SAMD14: variants seen among roughly 807,000 people sequenced by gnomAD.
SAMD14 encodes the protein sterile alpha motif domain containing 14.
A neutral mutation model predicts 46.2 loss-of-function variants in SAMD14; 27 were observed. The ratio of observed to expected loss-of-function variants is 0.58; its 90% CI spans 0.43 to 0.81. SAMD14 has a LOEUF of 0.81. SAMD14 is among the 30% of genes least tolerant of loss of function. The probability of loss-of-function intolerance (pLI) is 0.00; values close to 1 mark genes in which losing one functional copy is unlikely to be tolerated. For missense variants in SAMD14, 559 were observed against 582.2 expected, an observed-to-expected ratio of 0.96 and a Z score of 0.41; for synonymous variants, 241 against 254.3, an observed-to-expected ratio of 0.95 and a Z score of 0.50.
chr17:50,115,480 TC>T lies in SAMD14; in HGVS notation c.822+83del. 2 of 1,421,994 alleles carry T rather than the reference TC, an allele frequency of 1.4e-6. No homozygotes were observed. Among genetic ancestry groups the T allele is most frequent in the South Asian group, 1.4e-5 (1 of 69,590 alleles). The allele number at this position is 1,421,994 out of a possible 1,614,324, so 88.1% of individuals were successfully genotyped here. The stretch of plus-strand genomic sequence containing the variant: ...CAAATTGATTCCAGGAATGTCTGAA[TC>T]CCAGCCTGAGCCAAGGTGAAGTACG... On this transcript the variant is annotated intron_variant, in intron 7 of 9. Transcript: ENST00000330175. The surrounding 1 kb of genome is among the most constrained non-coding windows in gnomAD (Gnocchi z 5.3).
intron 1 of SAMD14, among the ~76,000 whole-genome samples, chr17:50,126,496 A>G (rs530746555): frequency 1.0e-3 from 156 of 151,940 alleles, no homozygotes; most frequent in African/African-American, 3.6e-3. Context: ...TAGTAGAGAC[A>G]GGGTTTCACC....
chr17:50,114,398 A>C (rs748545361), intron 7 of SAMD14, 92 bp from the exon 8 acceptor site: 1 of 1,613,868 alleles, frequency 6.2e-7, no homozygotes, highest in South Asian at 1.1e-5. Flanking sequence ...ACTAGGCACC[A>C]GGAGTTGCTC....
At position 50,115,993 on chromosome 17, in the gene SAMD14, C is replaced by T; in HGVS notation, c.587+10G>A. 6.2e-7 allele frequency: 1 copy of T among 1,613,976 alleles called. No homozygotes were observed. Among genetic ancestry groups the T allele is most frequent in the Non-Finnish European group, 8.5e-7 (1 of 1,179,884 alleles). On this transcript the variant is annotated intron_variant, in intron 5 of 9. Transcript: ENST00000330175. The surrounding 1 kb of genome is among the most constrained non-coding windows in gnomAD (Gnocchi z 5.3). ...TCCAAGCCCTGCGATCTAGCCCCGC[C>T]TCCACTCACCCCAGGTCCAGGAACT...
At chr17:50,113,744 A>G (rs766079946) in intron 9 of SAMD14, 180 bp downstream of exon 9, 11 of 647,960 alleles carry the variant, frequency 1.7e-5, no homozygotes, top group Non-Finnish European at 2.7e-5. Context: ...GCTACAACTC[A>G]AAAGATTAGA....
rs1464873307 is a variant in SAMD14, at chr17:50,117,870, C to CT, written c.211-176dup. ...GAGAGTGAGAGGTGGGAAACAGGAA[C>CT]TTTGAGTCACACAGGCTGGGGCTGA... On this transcript the variant is annotated intron_variant, in intron 3 of 9. Transcript: ENST00000330175. 12 of 706,964 alleles carry CT rather than the reference C, an allele frequency of 1.7e-5. No homozygotes were observed. In the East Asian group the frequency reaches 4.0e-4, roughly 24 times the overall value. The allele number at this position is 706,964 out of a possible 1,614,324, so 43.8% of individuals were successfully genotyped here.
intron 3 of SAMD14, 143 bp from the exon 4 acceptor site, chr17:50,117,838 G>T (rs1911308994): frequency 1.1e-6 from 1 of 902,306 alleles, no homozygotes; most frequent in South Asian, 2.3e-5. Flanking sequence ...AGGCAGCGGG[G>T]TGGCTGGAGA....
intron 2 of SAMD14, among the ~76,000 whole-genome samples, chr17:50,120,300 A>G (rs550551400): frequency 9.5e-4 from 144 of 152,224 alleles, no homozygotes; most frequent in African/African-American, 3.3e-3. Flanking sequence ...ATGGAGAGAA[A>G]GGGAGGAGAG....
rs754168215 is a variant in SAMD14, at chr17:50,112,864, G to C, written c.*29C>G. The C allele has an allele frequency of 4.4e-6, 7 of 1,586,914 alleles. No individual in the cohort carries two copies. The highest frequency in any genetic ancestry group is 1.3e-5 in the African/African-American group (1 of 74,282). On this transcript the variant is annotated 3_prime_UTR_variant, in exon 10 of 10. Transcript: ENST00000330175. ...GCCCGCGGAGCCAGTGGCTGCCCCT[G>C]CCGGGTGCCAGCGCCTGTGCACCCT...
At chr17:50,117,930 T>C in intron 3 of SAMD14, 1 of 647,614 alleles carries the variant, frequency 1.5e-6, no homozygotes, top group South Asian at 2.5e-5. Context: ...ACTTTGCTCC[T>C]GGACCTCTCA....
chr17:50,118,291 T>A lies in SAMD14; in HGVS notation c.80A>T (p.Asp27Val). 1 of 1,613,800 alleles carries A rather than the reference T, an allele frequency of 6.2e-7. No homozygotes were observed. Among genetic ancestry groups the A allele is most frequent in the Non-Finnish European group, 8.5e-7 (1 of 1,180,004 alleles). ...GGCCCGGGCCTTGTGTAAACTGCTGTCCAGTCTGGCCGTCTCTGGCACAGC... is the reference window on the plus strand; with the variant it reads ...GGCCCGGGCCTTGTGTAAACTGCTGACCAGTCTGGCCGTCTCTGGCACAGC... ...DLAVPETARL[D>V]SSLHKARAQL... is the part of the protein sequence containing the mutation. Residue 27 changes from aspartate to valine, a missense_variant, in exon 3 of 10, where the codon GAC becomes GTC. Asp to Val is a radical substitution (Grantham distance 152, BLOSUM62 -3). Transcript: ENST00000330175.
At chr17:50,113,302 C>T (rs1259859518) in intron 9 of SAMD14, 1 of 485,848 alleles carries the variant, frequency 2.1e-6, no homozygotes, top group Non-Finnish European at 3.7e-6. Flanking sequence ...CATTCCTCCA[C>T]TCAGTATTTC....
intron 3 of SAMD14, 84 bp from the exon 4 acceptor site, chr17:50,117,779 G>T: frequency 7.6e-7 from 1 of 1,311,030 alleles, no homozygotes; most frequent in South Asian, 1.8e-5. Flanking sequence ...GTAAACTGCG[G>T]GCCCTGAGGG....
rs766249440 is a variant in SAMD14 at position 50,110,089 on chromosome 17, G to A, written c.*2804C>T. ...GCCCAAGAACACGTCCACGTACCGC[G>A]TCAGCTAAGGGCCGCCGTGCATCTG... is the stretch of plus-strand genomic sequence containing the variant. On this transcript the variant is annotated 3_prime_UTR_variant, in exon 10 of 10. Coordinates refer to ENST00000330175, the MANE Select transcript of SAMD14 (RefSeq NM_001257359.2). The A allele has an allele frequency of 4.7e-5, 76 of 1,605,222 alleles. No individual in the cohort carries two copies. The highest frequency in any genetic ancestry group is 3.4e-4 in the Middle Eastern group (2 of 5,850).
intron 1 of SAMD14, among the ~76,000 whole-genome samples, chr17:50,127,601 C>CAA (rs60461771): frequency 8.6e-4 from 119 of 139,174 alleles, no homozygotes; most frequent in Non-Finnish European, 1.1e-3. Flanking sequence ...AACTCTGTCT[C>CAA]AAAAAAAAAA....
chr17:50,116,458 T>G (rs1041473418), intron 4 of SAMD14, among the ~76,000 whole-genome samples: 1 of 143,962 alleles, frequency 6.9e-6, no homozygotes, highest in Non-Finnish European at 1.5e-5. Flanking sequence ...CAGGCTGGAG[T>G]GCAATGGCGT....
At chr17:50,123,827 G>A (rs1209857216) in intron 2 of SAMD14, among the ~76,000 whole-genome samples, 1 of 152,242 alleles carries the variant, frequency 6.6e-6, no homozygotes, top group Admixed American at 6.5e-5. Context: ...AGGGTAGGGA[G>A]GTTGGGGAGT....
intron 1 of SAMD14, 111 bp from the exon 2 acceptor site, chr17:50,125,082 TC>T: frequency 1.1e-6 from 1 of 912,756 alleles, no homozygotes; most frequent in Non-Finnish European, 1.8e-6. Context: ...TGTTGGCCCC[TC>T]CCCTTACCTT....
In SAMD14 at chr17:50,116,021, C is replaced by T. The variant is rs374884610; in HGVS notation, c.569G>A (p.Arg190Gln). Residue 190 changes from arginine to glutamine, a missense_variant, in exon 5 of 10, where the codon CGA (arginine) becomes CAA (glutamine). Coordinates refer to ENST00000330175, the MANE Select transcript of SAMD14 (RefSeq NM_001257359.2). ...PTIGLDKKTR[R>Q]KFLDLGVTLR... Reference sequence around the variant, plus strand: ...CACTCACCCCAGGTCCAGGAACTTTCGGCGAGTCTTCTTATCGAGGCCGAT... The same window carrying T: ...CACTCACCCCAGGTCCAGGAACTTTTGGCGAGTCTTCTTATCGAGGCCGAT... 22 of 1,613,992 alleles carry T rather than the reference C, an allele frequency of 1.4e-5. No homozygotes were observed. Among genetic ancestry groups the T allele is most frequent in the South Asian group, 5.5e-5 (5 of 91,084 alleles).
chr17:50,124,976 G>T lies in SAMD14; in HGVS notation c.-12-5C>A, dbSNP rs1911699921. ...AGAAGCCATGACTCAAGAGAGCTGG[G>T]AAGGACAAGAGGGGAGAGAAAGAAA... is the stretch of plus-strand genomic sequence containing the variant. On this transcript the variant is annotated splice_polypyrimidine_tract_variant and splice_region_variant and intron_variant, in intron 1 of 9. Coordinates refer to ENST00000330175, the MANE Select transcript of SAMD14 (RefSeq NM_001257359.2). 6.2e-7 allele frequency: 1 copy of T among 1,613,816 alleles called. No individual in the cohort carries two copies. Among genetic ancestry groups the T allele is most frequent in the African/African-American group, 1.3e-5 (1 of 74,916 alleles).
Sources: gnomAD v4.1 joint callset for allele counts (sites outside exome capture counted in the v4.1 genomes callset) on GRCh38, gnomAD v4.1.1 for gene constraint, Gnocchi (gnomAD v3.1) non-coding constraint, MANE v1.5 for transcripts, NCBI Gene and HGNC (gene_info 2026-07-23, HGNC 2026-07-21) for gene names.